The following GPC5 variants were observed in gnomAD, a reference collection of about 807,000 sequenced individuals.
The protein encoded by GPC5 is glypican 5, also known as glypican-5.
Under a neutral mutation model 53.9 loss-of-function variants are expected in GPC5, and 47 were observed. The observed-to-expected ratio is 0.87, with a 90% CI of 0.69 to 1.11. GPC5 has a LOEUF of 1.11. Ranked by LOEUF, GPC5 falls within the 50% of genes most tolerant of loss-of-function variation. The pLI is 0.00. For missense variants in GPC5, 748 were observed against 713.1 expected (o/e 1.05, Z -0.56); for synonymous variants, 286 against 263.3 (o/e 1.09, Z -0.84).
intron 7 of GPC5, among the ~76,000 whole-genome samples, chr13:92,745,083 A>ATTTGT (rs1314623811): frequency 6.6e-6 from 1 of 152,078 alleles, no homozygotes; most frequent in African/African-American, 2.4e-5. Flanking sequence ...AGAATGCTTT[A>ATTTGT]TTTGTTTAAA....
intron 2 of GPC5, among the ~76,000 whole-genome samples, chr13:91,546,749 C>G (rs1316631030): frequency 6.6e-6 from 1 of 151,994 alleles, no homozygotes; most frequent in Non-Finnish European, 1.5e-5. Context: ...TAAGCGATAT[C>G]GAGGATTTTA....
intron 5 of GPC5, among the ~76,000 whole-genome samples, chr13:91,894,997 G>A (rs1412997050): frequency 6.6e-6 from 1 of 151,588 alleles, no homozygotes; most frequent in Non-Finnish European, 1.5e-5. Context: ...CATCCTAGGA[G>A]GGATGTTAAG....
At chr13:92,036,735 CT>C (rs2040896060) in intron 6 of GPC5, among the ~76,000 whole-genome samples, 1 of 152,204 alleles carries the variant, frequency 6.6e-6, no homozygotes, top group Non-Finnish European at 1.5e-5. Context: ...TCTGCTCCTA[CT>C]CCAGCCTTAA....
chr13:92,670,252 A>C (rs1302484709), intron 7 of GPC5, among the ~76,000 whole-genome samples: 4 of 152,188 alleles, frequency 2.6e-5, no homozygotes, highest in Non-Finnish European at 5.9e-5. Context: ...AAGCTAATCC[A>C]TATGGATGCC....
intron 7 of GPC5, among the ~76,000 whole-genome samples, chr13:92,174,998 C>G (rs749172349): frequency 3.9e-5 from 6 of 152,082 alleles, no homozygotes; most frequent in African/African-American, 7.2e-5. Flanking sequence ...TACAGGGATG[C>G]GCCACCACGT....
At chr13:92,057,870 A>G (rs1288156527) in intron 6 of GPC5, among the ~76,000 whole-genome samples, 1 of 152,092 alleles carries the variant, frequency 6.6e-6, no homozygotes, top group African/African-American at 2.4e-5. Context: ...TGTAAAGCAG[A>G]TTGTTTTATT....
At chr13:92,147,421 T>C (rs984916767) in intron 7 of GPC5, among the ~76,000 whole-genome samples, 1 of 151,906 alleles carries the variant, frequency 6.6e-6, no homozygotes, top group Non-Finnish European at 1.5e-5. Flanking sequence ...GTATAAATAG[T>C]ATATTTATAG....
chr13:92,216,101 A>G (rs1025465116), intron 7 of GPC5, among the ~76,000 whole-genome samples: 1 of 152,200 alleles, frequency 6.6e-6, no homozygotes, highest in African/African-American at 2.4e-5. Context: ...CATTCCTGAG[A>G]TACAGACGGG....
intron 7 of GPC5, among the ~76,000 whole-genome samples, chr13:92,613,137 A>G (rs904707531): frequency 6.7e-6 from 1 of 148,918 alleles, no homozygotes; most frequent in Non-Finnish European, 1.5e-5. Context: ...TAAACTTCCA[A>G]AATGATTAGG....
intron 2 of GPC5, among the ~76,000 whole-genome samples, chr13:91,642,630 A>C (rs2034457790): frequency 6.6e-6 from 1 of 151,996 alleles, no homozygotes; most frequent in African/African-American, 2.4e-5. Flanking sequence ...AAGAAGAATA[A>C]TGGAAGTGAA....
intron 7 of GPC5, among the ~76,000 whole-genome samples, chr13:92,438,787 T>G: frequency 6.6e-6 from 1 of 151,938 alleles, no homozygotes; most frequent in Non-Finnish European, 1.5e-5. Context: ...TAAATAGGTA[T>G]AGGTGTGAAG....
chr13:92,848,545 AG>A (rs34687291), intron 7 of GPC5, among the ~76,000 whole-genome samples: 23,512 of 152,124 alleles, frequency 0.15, 2,194 homozygotes, highest in African/African-American at 0.26. Context: ...TGCAACTTTA[AG>A]GGGCTTAAAA....
chr13:92,538,592 C>T (rs1356052571), intron 7 of GPC5, among the ~76,000 whole-genome samples: 2 of 147,134 alleles, frequency 1.4e-5, no homozygotes, highest in African/African-American at 5.0e-5. Flanking sequence ...AGGTATTTCT[C>T]CTAATGCTAT....
intron 7 of GPC5, among the ~76,000 whole-genome samples, chr13:92,724,726 G>C (rs1888589272): frequency 6.6e-6 from 1 of 151,528 alleles, no homozygotes; most frequent in South Asian, 2.1e-4. Context: ...AGGGAAAATG[G>C]GGAATTGTTC....
At chr13:92,391,633 TC>T (rs1875007928) in intron 7 of GPC5, among the ~76,000 whole-genome samples, 1 of 152,172 alleles carries the variant, frequency 6.6e-6, no homozygotes, top group Non-Finnish European at 1.5e-5. Flanking sequence ...ATGATATCCA[TC>T]TTCTGGATTC....
intron 7 of GPC5, among the ~76,000 whole-genome samples, chr13:92,555,744 C>T (rs1245213369): frequency 1.3e-5 from 2 of 149,138 alleles, no homozygotes; most frequent in African/African-American, 4.9e-5. Context: ...TAAATTTATA[C>T]ATTAATACAG....
intron 7 of GPC5, among the ~76,000 whole-genome samples, chr13:92,290,774 T>A (rs1265224064): frequency 6.6e-6 from 1 of 152,194 alleles, no homozygotes. Context: ...CTGTCTGGGC[T>A]CCCACTTTGG....
chr13:92,469,152 T>G (rs1878812495), intron 7 of GPC5, among the ~76,000 whole-genome samples: 1 of 152,240 alleles, frequency 6.6e-6, no homozygotes, highest in Admixed American at 6.6e-5. Flanking sequence ...TAAAGACATT[T>G]TTACATTATT....
chr13:91,448,953 A>G, intron 2 of GPC5, 31 bp downstream of exon 2: 2 of 1,603,176 alleles, frequency 1.2e-6, no homozygotes, highest in South Asian at 1.1e-5. Context: ...GCAACTAAGG[A>G]CTGGCCGTGT....
Sources: gnomAD v4.1 joint callset for allele counts (sites outside exome capture counted in the v4.1 genomes callset) on GRCh38, gnomAD v4.1.1 for gene constraint, MANE v1.5 for transcripts, NCBI Gene and HGNC (gene_info 2026-07-23, HGNC 2026-07-21) for gene names.